PCNT: variants seen among roughly 807,000 people sequenced by gnomAD.
PCNT encodes the protein kendrin.
Under a neutral mutation model 380.4 loss-of-function variants are expected in PCNT, and 319 were observed. The observed-to-expected ratio is 0.84, with a 90% confidence interval of 0.77 to 0.92. The LOEUF (loss-of-function observed/expected upper bound fraction) is 0.92, where lower values mean the gene tolerates loss of function less well. Ranked by LOEUF, PCNT falls within the 40% of genes least tolerant of loss-of-function variation. The pLI, the probability that PCNT is intolerant of heterozygous loss-of-function variation, is 0.00. For synonymous variants in PCNT, 1,845 were observed against 1,735.2 expected (o/e 1.06, Z -1.57); for missense variants, 4,400 against 4,255.3 (o/e 1.03, Z -0.95).
At chr21:46,335,501 C>T (rs1178927472) in intron 3 of PCNT, among the ~76,000 whole-genome samples, 1 of 151,900 alleles carries the variant, frequency 6.6e-6, no homozygotes, top group Non-Finnish European at 1.5e-5. Context: ...TTAGACCAGC[C>T]TGGCCAATAT....
At position 46,432,454 on chromosome 21, in the gene PCNT, G is replaced by A. The variant is rs1011710504; in HGVS notation, c.8751+239G>A. On this transcript the variant is annotated intron_variant, in intron 38 of 46. Transcript: ENST00000359568. ...CTCTTCAAGATAGTTTCAGCTCTGTGGGGCTTCTTGCTATTCCACAGGAAT... is the reference window on the plus strand; with the variant it reads ...CTCTTCAAGATAGTTTCAGCTCTGTAGGGCTTCTTGCTATTCCACAGGAAT... 2.6e-5 allele frequency among the ~76,000 whole-genome samples: 4 copies of A among 152,308 alleles called. No individual in the cohort carries two copies. In the East Asian group the frequency reaches 7.7e-4, roughly 29 times the overall value.
Position 46,383,880 on chromosome 21 carries a change from G to A in PCNT, c.3313-1952G>A, listed in dbSNP as rs1198128157. ...TATTCAGTGACGGAAGCGCATTCAC[G>A]GTGTTGTGCATTCAGTGGCAGAAGC... is the stretch of plus-strand genomic sequence containing the variant. On this transcript the variant is annotated intron_variant, in intron 16 of 46. Transcript: ENST00000359568. 1.0e-4 allele frequency among the ~76,000 whole-genome samples: 13 copies of A among 125,184 alleles called. 1 individual carries two copies. Among genetic ancestry groups the A allele is most frequent in the South Asian group, 3.1e-4 (1 of 3,258 alleles). The allele number at this position is 125,184 out of a possible 152,430, so 82.1% of individuals were successfully genotyped here.
At position 46,388,295 on chromosome 21, in the gene PCNT, C is replaced by T. The variant is rs946026916; in HGVS notation, c.3465-447C>T. 6.6e-6 allele frequency among the ~76,000 whole-genome samples: 1 copy of T among 152,054 alleles called. No individual in the cohort carries two copies. The highest frequency in any genetic ancestry group is 2.4e-5 in the African/African-American group (1 of 41,408). On this transcript the variant is annotated intron_variant, in intron 17 of 46. Coordinates refer to ENST00000359568, the MANE Select transcript of PCNT (RefSeq NM_006031.6). The surrounding 1 kb of genome is among the most constrained non-coding windows in gnomAD (Gnocchi z 4.2). ...GGGAGACACCATCCTCTTCCTGCCA[C>T]ACAACTCCTGTGAATGTGTGGCTGA...
intron 15 of PCNT, among the ~76,000 whole-genome samples, chr21:46,371,834 A>G (rs2085139467): frequency 6.8e-6 from 1 of 146,624 alleles, no homozygotes; most frequent in Admixed American, 6.8e-5. Flanking sequence ...ATGCAGACAC[A>G]GCACATACAG....
intron 10 of PCNT, 77 bp from the exon 11 acceptor site, chr21:46,353,910 C>T (rs1321515004): frequency 1.7e-5 from 22 of 1,260,654 alleles, no homozygotes; most frequent in African/African-American, 4.4e-5. Flanking sequence ...TGTGAGCAGT[C>T]GGTCCTGGGG....
At position 46,375,494 on chromosome 21, in the gene PCNT, G is replaced by A. The variant is rs144799402; in HGVS notation, c.3166-6200G>A. Among the ~76,000 whole-genome samples, 894 of 152,212 alleles carry A rather than the reference G, an allele frequency of 5.9e-3. 8 individuals carry two copies. The highest frequency in any genetic ancestry group is 0.017 in the Middle Eastern group (5 of 294). The stretch of plus-strand genomic sequence containing the variant: ...ACCTGAAAATAACTTTTTTTGAAAC[G>A]TCTTTTTTGATACTGACCTCACAGC... On this transcript the variant is annotated intron_variant, in intron 15 of 46. Coordinates refer to ENST00000359568, the MANE Select transcript of PCNT (RefSeq NM_006031.6).
intron 43 of PCNT, among the ~76,000 whole-genome samples, chr21:46,441,351 G>T (rs1373678346): frequency 6.6e-6 from 1 of 152,186 alleles, no homozygotes; most frequent in African/African-American, 2.4e-5. Flanking sequence ...TGGGTTTCGT[G>T]CCACAAAGAA....
chr21:46,399,502 C>T lies in PCNT; in HGVS notation c.4585-88C>T. ...GGAGGGCATAGGGCATCTATTTTGT[C>T]TCTGTTGTTTTGGGTACTTTTTTGT... On this transcript the variant is annotated intron_variant, in intron 24 of 46. Transcript: ENST00000359568. 7.2e-6 allele frequency: 7 copies of T among 971,568 alleles called. No individual in the cohort carries two copies. The South Asian group carries it at 9.3e-5, about 13-fold the overall frequency. The allele number at this position is 971,568 out of a possible 1,614,324, so 60.2% of individuals were successfully genotyped here.
At chr21:46,399,360 T>TG (rs2086339774) in intron 24 of PCNT, among the ~76,000 whole-genome samples, 1 of 26,496 alleles carries the variant, frequency 3.8e-5, no homozygotes, top group African/African-American at 2.0e-4. Flanking sequence ...AGGTCTCTGT[T>TG]CAGCCTGTGG....
intron 27 of PCNT, among the ~76,000 whole-genome samples, chr21:46,403,470 TTGGTGAATGAA>T (rs2086506966): frequency 2.6e-5 from 3 of 115,414 alleles, no homozygotes; most frequent in African/African-American, 6.6e-5. Context: ...CGGCACGTGC[TTGGTGAATGAA>T]CACAGCGTGG....
chr21:46,351,209 G>C (rs1202167723), intron 8 of PCNT, among the ~76,000 whole-genome samples: 1 of 152,174 alleles, frequency 6.6e-6, no homozygotes, highest in Non-Finnish European at 1.5e-5. Context: ...CTGAGATTCT[G>C]AAAGTGCCTG....
At chr21:46,392,219 T>G (rs2086057831) in intron 21 of PCNT, among the ~76,000 whole-genome samples, 1 of 152,116 alleles carries the variant, frequency 6.6e-6, no homozygotes, top group Non-Finnish European at 1.5e-5. Context: ...TATGGTTTTG[T>G]TTTTGTTTTT....
At chr21:46,420,292 T>C (rs887882215) in intron 31 of PCNT, among the ~76,000 whole-genome samples, 3 of 151,866 alleles carry the variant, frequency 2.0e-5, no homozygotes, top group Non-Finnish European at 4.4e-5. Context: ...GCCTCCAAGA[T>C]TGATTGTCAA....
chr21:46,397,028 C>T lies in PCNT; in HGVS notation c.4217-237C>T, dbSNP rs146281050. 5.3e-3 allele frequency among the ~76,000 whole-genome samples: 808 copies of T among 152,290 alleles called. 3 individuals carry two copies. Among genetic ancestry groups the T allele is most frequent in the Non-Finnish European group, 7.0e-3 (476 of 68,036 alleles). ...TAGTCGTGTGTTTCTGTCTGGGAGA[C>T]TGTACTGAAGGCAGAATTCCTAGAG... On this transcript the variant is annotated intron_variant, in intron 21 of 46. Transcript: ENST00000359568.
At chr21:46,417,945 A>G (rs894106304) in intron 30 of PCNT, among the ~76,000 whole-genome samples, 2 of 152,204 alleles carry the variant, frequency 1.3e-5, no homozygotes, top group Non-Finnish European at 2.9e-5. Context: ...TGAAACATCC[A>G]TATACTATCA....
intron 32 of PCNT, among the ~76,000 whole-genome samples, chr21:46,423,708 A>AGGG (rs1218132564): frequency 1.1e-4 from 7 of 66,240 alleles, no homozygotes; most frequent in Admixed American, 1.7e-4. Flanking sequence ...GAGGAGGGGG[A>AGGG]GAGGAGGAGG....
intron 15 of PCNT, among the ~76,000 whole-genome samples, chr21:46,381,465 G>A (rs187383784): frequency 2.0e-5 from 3 of 152,182 alleles, no homozygotes; most frequent in East Asian, 3.9e-4. Flanking sequence ...TCACCAGTGC[G>A]AACTTGTGTC....
chr21:46,384,755 C>T (rs184601213), intron 16 of PCNT, among the ~76,000 whole-genome samples: 9 of 136,582 alleles, frequency 6.6e-5, no homozygotes, highest in South Asian at 2.3e-4. Flanking sequence ...GCGGCGGAAG[C>T]GCATTCACGG....
intron 17 of PCNT, among the ~76,000 whole-genome samples, chr21:46,386,703 C>T (rs2085850543): frequency 6.6e-6 from 1 of 152,216 alleles, no homozygotes; most frequent in South Asian, 2.1e-4. Flanking sequence ...CTTTTTGCTC[C>T]TCTGACACCA....
Sources: gnomAD v4.1 joint callset for allele counts (sites outside exome capture counted in the v4.1 genomes callset) on GRCh38, gnomAD v4.1.1 for gene constraint, Gnocchi (gnomAD v3.1) non-coding constraint, MANE v1.5 for transcripts, NCBI Gene and HGNC (gene_info 2026-07-23, HGNC 2026-07-21) for gene names.